CAST: variants seen among roughly 807,000 people sequenced by gnomAD.
CAST encodes MIR583 host.
CAST carries 76 observed loss-of-function variants against 119.6 expected under a neutral mutation model. The observed-to-expected ratio is 0.64, with a 90% CI of 0.53 to 0.77. The LOEUF (loss-of-function observed/expected upper bound fraction) is 0.77. Among genes scored for constraint, CAST ranks in the 30% least tolerant of loss-of-function variants. The pLI is 0.00. For synonymous variants in CAST, 319 were observed against 331.6 expected (o/e 0.96, Z 0.41); for missense variants, 953 against 946.5 (o/e 1.01, Z -0.09).
At chr5:96,019,091 G>A in the CAST span, among the ~76,000 whole-genome samples, 5 of 152,236 alleles carry the variant, frequency 3.3e-5, no homozygotes, top group Admixed American at 3.3e-4. Flanking sequence ...AATCAAGATA[G>A]AAAAAGGGAG....
At chr5:96,683,919 CTG>C (rs1233993054) in intron 2 of CAST, among the ~76,000 whole-genome samples, 1 of 152,194 alleles carries the variant, frequency 6.6e-6, no homozygotes, top group Non-Finnish European at 1.5e-5. Flanking sequence ...GACAAAAACT[CTG>C]TGCCATTCTG....
the CAST span, among the ~76,000 whole-genome samples, chr5:96,142,805 C>G: frequency 6.6e-6 from 1 of 152,098 alleles, no homozygotes; most frequent in Non-Finnish European, 1.5e-5. Context: ...TGGCAGCTTC[C>G]CATTCCTCTT....
chr5:96,372,787 C>T, the CAST span, among the ~76,000 whole-genome samples: 1 of 152,166 alleles, frequency 6.6e-6, no homozygotes, highest in Non-Finnish European at 1.5e-5. Context: ...GACCCTCTTT[C>T]CTGGCTTTAT....
chr5:96,583,948 A>G (rs1746808695), intron 1 of CAST, among the ~76,000 whole-genome samples: 2 of 152,190 alleles, frequency 1.3e-5, no homozygotes, highest in South Asian at 2.1e-4. Flanking sequence ...CCTTTCTTCC[A>G]TGGTGTTCCT....
the CAST span, among the ~76,000 whole-genome samples, chr5:96,153,565 G>T: frequency 6.6e-6 from 1 of 152,162 alleles, no homozygotes; most frequent in African/African-American, 2.4e-5. Context: ...GCAGGTCCTT[G>T]CAAGTGACTT....
chr5:96,015,358 A>C, the CAST span, among the ~76,000 whole-genome samples: 2 of 152,186 alleles, frequency 1.3e-5, no homozygotes, highest in Non-Finnish European at 1.5e-5. Flanking sequence ...TAAAGGCAAG[A>C]TATATAACAA....
chr5:96,425,879 G>T, the CAST span: 1 of 1,612,762 alleles, frequency 6.2e-7, no homozygotes, highest in Admixed American at 1.7e-5. Context: ...GAGTCCCTTA[G>T]AGCTGAACGT....
At chr5:96,163,406 C>T in the CAST span, among the ~76,000 whole-genome samples, 3 of 152,114 alleles carry the variant, frequency 2.0e-5, no homozygotes, top group African/African-American at 7.2e-5. Flanking sequence ...TACTATTTAG[C>T]TATTGACAGA....
intron 1 of CAST, among the ~76,000 whole-genome samples, chr5:96,648,611 T>C (rs1748052209): frequency 6.6e-6 from 1 of 152,216 alleles, no homozygotes; most frequent in Non-Finnish European, 1.5e-5. Context: ...GGAAAAGTTT[T>C]TTCAGTCAGC....
chr5:96,599,049 T>C (rs1747100656), intron 1 of CAST, among the ~76,000 whole-genome samples: 1 of 152,218 alleles, frequency 6.6e-6, no homozygotes, highest in Non-Finnish European at 1.5e-5. Context: ...TCAGACTCCA[T>C]AATCACATGA....
chr5:96,432,893 G>C, the CAST span: 31 of 1,613,882 alleles, frequency 1.9e-5, no homozygotes, highest in Non-Finnish European at 2.5e-5. Context: ...CCAGCTCCTC[G>C]GCGATGGCCG....
At chr5:96,098,394 G>T in the CAST span, among the ~76,000 whole-genome samples, 1 of 151,896 alleles carries the variant, frequency 6.6e-6, no homozygotes, top group Non-Finnish European at 1.5e-5. Flanking sequence ...TGAAATCTTT[G>T]CCCGTGCCTA....
chr5:96,147,414 CTG>C, the CAST span, among the ~76,000 whole-genome samples: 2 of 152,096 alleles, frequency 1.3e-5, no homozygotes, highest in African/African-American at 4.8e-5. Flanking sequence ...ACCATCCTGG[CTG>C]ACAGGGTGAA....
the CAST span, among the ~76,000 whole-genome samples, chr5:96,295,451 C>T: frequency 6.6e-6 from 1 of 152,126 alleles, no homozygotes; most frequent in Non-Finnish European, 1.5e-5. Flanking sequence ...ATGACATTGA[C>T]AGTGGTAAAC....
the CAST span, among the ~76,000 whole-genome samples, chr5:96,223,511 A>C: frequency 6.6e-6 from 1 of 152,212 alleles, no homozygotes; most frequent in South Asian, 2.1e-4. Flanking sequence ...AAGGATTGCC[A>C]GCAACCATCA....
At chr5:96,192,634 T>C in the CAST span, among the ~76,000 whole-genome samples, 1 of 152,238 alleles carries the variant, frequency 6.6e-6, no homozygotes, top group Non-Finnish European at 1.5e-5. Flanking sequence ...CAGGCACCTT[T>C]CAGTGGGGCC....
At chr5:96,102,281 G>T in the CAST span, among the ~76,000 whole-genome samples, 1 of 152,250 alleles carries the variant, frequency 6.6e-6, no homozygotes, top group South Asian at 2.1e-4. Context: ...GGGAGCAGGA[G>T]AGGGGACAGG....
chr5:95,969,233 T>C, the CAST span, among the ~76,000 whole-genome samples: 2 of 152,138 alleles, frequency 1.3e-5, no homozygotes, highest in Non-Finnish European at 2.9e-5. Flanking sequence ...TTAAGGAATA[T>C]GGACTTCGAT....
chr5:96,558,327 C>A (rs2150183862), intron 1 of CAST, among the ~76,000 whole-genome samples: 1 of 152,034 alleles, frequency 6.6e-6, no homozygotes, highest in African/African-American at 2.4e-5. Flanking sequence ...CATTCAAAAG[C>A]TAGCAGAAGG....
Sources: allele counts gnomAD v4.1 joint callset (sites outside exome capture counted in the v4.1 genomes callset), GRCh38; gene constraint gnomAD v4.1.1; transcripts MANE v1.5; gene names NCBI Gene and HGNC (gene_info 2026-07-23, HGNC 2026-07-21).